Variants in SLC25A12 observed in about 807,000 individuals in gnomAD.
SLC25A12 encodes the protein electrogenic aspartate/glutamate antiporter SLC25A12, mitochondrial.
Under a neutral mutation model 83.3 loss-of-function variants are expected in SLC25A12, and 32 were observed. The ratio of observed to expected loss-of-function variants is 0.38; its 90% CI spans 0.29 to 0.52. The LOEUF (loss-of-function observed/expected upper bound fraction) is 0.52. Ranked by LOEUF, SLC25A12 falls within the 20% of genes least tolerant of loss-of-function variation. The pLI, the probability that SLC25A12 is intolerant of heterozygous loss-of-function variation, is 0.84. For synonymous variants in SLC25A12, 267 were observed against 291.1 expected, an observed-to-expected ratio of 0.92 and a Z score of 0.84; for missense variants, 611 against 835.6, an observed-to-expected ratio of 0.73 and a Z score of 3.31.
intron 9 of SLC25A12, among the ~76,000 whole-genome samples, chr2:171,815,800 T>C (rs571614144): frequency 5.2e-4 from 79 of 152,258 alleles, no homozygotes; most frequent in Admixed American, 2.4e-3. Flanking sequence ...TTGTCTATAC[T>C]AGTGTGTCAG....
At chr2:171,825,616 C>T (rs946459278) in intron 9 of SLC25A12, among the ~76,000 whole-genome samples, 1 of 152,168 alleles carries the variant, frequency 6.6e-6, no homozygotes. Flanking sequence ...TATCCATGCC[C>T]TCCCCACGTC....
intron 2 of SLC25A12, among the ~76,000 whole-genome samples, chr2:171,888,450 T>C (rs1158932451): frequency 1.3e-5 from 2 of 151,366 alleles, no homozygotes; most frequent in Non-Finnish European, 2.9e-5. Flanking sequence ...TTAATTATTA[T>C]TTTTTTTGAG....
intron 9 of SLC25A12, among the ~76,000 whole-genome samples, chr2:171,818,747 T>C (rs1684109832): frequency 6.6e-6 from 1 of 151,918 alleles, no homozygotes; most frequent in Non-Finnish European, 1.5e-5. Flanking sequence ...TAAGGCAAGA[T>C]TATGTCAGTT....
At chr2:171,834,573 C>T (rs1172171383) in intron 7 of SLC25A12, among the ~76,000 whole-genome samples, 154 bp downstream of exon 7, 1 of 152,180 alleles carries the variant, frequency 6.6e-6, no homozygotes, top group Non-Finnish European at 1.5e-5. Flanking sequence ...ATTAAATCCA[C>T]CTGGATTTTT....
In SLC25A12 at chr2:171,890,499, GTGTA is replaced by G. The variant is rs1180980530; in HGVS notation, c.66+2702_66+2705del. ...TGTCTGTGTGTGTGTGTGTGTGTGTGTGTAACAAGGTCTTGCTCTGTTGCCAGGC... is the reference window on the plus strand; with the variant it reads ...TGTCTGTGTGTGTGTGTGTGTGTGTGACAAGGTCTTGCTCTGTTGCCAGGC... On this transcript the variant is annotated intron_variant, in intron 2 of 17. Transcript: ENST00000422440. Among the ~76,000 whole-genome samples the G allele has an allele frequency of 2.0e-5, 3 of 152,098 alleles. No individual in the cohort carries two copies. In the East Asian group the frequency reaches 5.8e-4, roughly 29 times the overall value.
At chr2:171,890,287 T>C (rs1321273620) in intron 2 of SLC25A12, among the ~76,000 whole-genome samples, 1 of 152,268 alleles carries the variant, frequency 6.6e-6, no homozygotes, top group African/African-American at 2.4e-5. Context: ...GCATGTATTT[T>C]TGTCTTCTAT....
Position 171,809,674 on chromosome 2 carries a change from C to A in SLC25A12, c.1237G>T (p.Val413Phe), listed in dbSNP as rs1683910359. The change falls in exon 13 of 18, where the codon GTT becomes TTT. Residue 413 changes from valine (V) to phenylalanine (F), a missense_variant. Physicochemically the swap from Val to Phe is conservative, Grantham distance 50. Coordinates refer to ENST00000422440, the MANE Select transcript of SLC25A12 (RefSeq NM_003705.5). The stretch of plus-strand genomic sequence containing the variant: ...TCTCTTCTGGTAAATTTGTCCCGAA[C>A]AAAATCATTAACCTAATTAGAAAGA... ...KAIKLTVNDF[V>F]RDKFTRRDGS... 1.2e-6 allele frequency: 2 copies of A among 1,613,728 alleles called. No homozygotes were observed. The highest frequency in any genetic ancestry group is 2.2e-5 in the East Asian group (1 of 44,870).
In SLC25A12 at chr2:171,785,253, C is replaced by A; in HGVS notation, c.*21G>T. 1 of 1,613,086 alleles carries A rather than the reference C, an allele frequency of 6.2e-7. No homozygotes were observed. Among genetic ancestry groups the A allele is most frequent in the Non-Finnish European group, 8.5e-7 (1 of 1,179,278 alleles). ...CCTCTTTCTTCAAGGCGCCATTTTGCCACACTCAACAGTTGTCTCATCACT... is the reference window on the plus strand; with the variant it reads ...CCTCTTTCTTCAAGGCGCCATTTTGACACACTCAACAGTTGTCTCATCACT... On this transcript the variant is annotated 3_prime_UTR_variant, in exon 18 of 18. Transcript: ENST00000422440.
intron 8 of SLC25A12, among the ~76,000 whole-genome samples, chr2:171,827,942 AG>A (rs1339094365): frequency 1.3e-5 from 2 of 152,160 alleles, no homozygotes; most frequent in African/African-American, 4.8e-5. Flanking sequence ...CACTCCACAG[AG>A]GGGAACCCTT....
chr2:171,853,885 AG>A (rs1684990532), intron 4 of SLC25A12, among the ~76,000 whole-genome samples: 1 of 152,324 alleles, frequency 6.6e-6, no homozygotes, highest in African/African-American at 2.4e-5. Context: ...AACTGGGAAA[AG>A]TAATTAAATG....
chr2:171,870,726 T>C (rs1308405104), intron 2 of SLC25A12, among the ~76,000 whole-genome samples: 3 of 152,126 alleles, frequency 2.0e-5, no homozygotes, highest in Non-Finnish European at 4.4e-5. Context: ...TGTCTAGAAA[T>C]ATCAATATAG....
At chr2:171,886,549 GC>G in intron 2 of SLC25A12, among the ~76,000 whole-genome samples, 1 of 145,614 alleles carries the variant, frequency 6.9e-6, no homozygotes. Flanking sequence ...TCGCTCTGTC[GC>G]CCAGGCTGGA....
intron 13 of SLC25A12, among the ~76,000 whole-genome samples, chr2:171,806,658 T>A (rs1683838430): frequency 6.6e-6 from 1 of 152,190 alleles, no homozygotes; most frequent in Non-Finnish European, 1.5e-5. Flanking sequence ...ACTCAAGGCC[T>A]AGGTCCTAGC....
In SLC25A12 at chr2:171,892,750, G is replaced by A. The variant is rs12617655; in HGVS notation, c.66+455C>T. 2.6e-3 allele frequency among the ~76,000 whole-genome samples: 395 copies of A among 152,012 alleles called. 14 individuals are homozygous for A. In the East Asian group the frequency reaches 0.064, roughly 25 times the overall value. Reference sequence around the variant, plus strand: ...AATCCCCAAGGCTTAAGGATACAATGTAAGTAAGACACACAAATTAAGAAT... The same window carrying A: ...AATCCCCAAGGCTTAAGGATACAATATAAGTAAGACACACAAATTAAGAAT... On this transcript the variant is annotated intron_variant, in intron 2 of 17. Transcript: ENST00000422440.
At chr2:171,891,989 T>C (rs913403249) in intron 2 of SLC25A12, among the ~76,000 whole-genome samples, 1 of 152,364 alleles carries the variant, frequency 6.6e-6, no homozygotes, top group South Asian at 2.1e-4. Flanking sequence ...AAATGTCATC[T>C]ATTCCAGGCT....
chr2:171,871,802 A>C (rs562117457), intron 2 of SLC25A12: 1 of 927,120 alleles, frequency 1.1e-6, no homozygotes, highest in African/African-American at 1.8e-5. Context: ...TCTTCTGTTT[A>C]GCATTCAAAG....
intron 2 of SLC25A12, among the ~76,000 whole-genome samples, chr2:171,886,732 A>C (rs55966819): frequency 6.6e-6 from 1 of 151,914 alleles, no homozygotes; most frequent in African/African-American, 2.4e-5. Flanking sequence ...GGATGGTCTC[A>C]ATCTCCTGAC....
chr2:171,863,394 C>T (rs1685209356), intron 3 of SLC25A12, among the ~76,000 whole-genome samples: 2 of 152,036 alleles, frequency 1.3e-5, no homozygotes, highest in African/African-American at 2.4e-5. Context: ...AGCATGGTGG[C>T]ATGCACCTAT....
chr2:171,818,278 T>A (rs553552740), intron 9 of SLC25A12, among the ~76,000 whole-genome samples: 4 of 152,238 alleles, frequency 2.6e-5, no homozygotes, highest in South Asian at 2.1e-4. Flanking sequence ...GAAAAGACGC[T>A]CTTTCCCTTA....
Sources: gnomAD v4.1 joint callset for allele counts (sites outside exome capture counted in the v4.1 genomes callset) on GRCh38, gnomAD v4.1.1 for gene constraint, MANE v1.5 for transcripts, NCBI Gene and HGNC (gene_info 2026-07-23, HGNC 2026-07-21) for gene names.